The following HSD17B12 variants were observed in gnomAD, a reference collection of about 807,000 sequenced individuals.
The protein encoded by HSD17B12 is very-long-chain 3-oxoacyl-CoA reductase.
A neutral mutation model predicts 39.3 loss-of-function variants in HSD17B12; 32 were observed. That is an observed-to-expected ratio of 0.81 (90% CI 0.61 to 1.09). HSD17B12 has a LOEUF of 1.09. Ranked by LOEUF, HSD17B12 falls within the 50% of genes least tolerant of loss-of-function variation. The pLI is 0.00. For synonymous variants in HSD17B12, 150 were observed against 146.7 expected, an observed-to-expected ratio of 1.02 and a Z score of -0.16; for missense variants, 342 against 382.9, an observed-to-expected ratio of 0.89 and a Z score of 0.89.
Position 43,854,929 on chromosome 11 carries a change from A to G in HSD17B12, c.834+65A>G. ...CTTGGGGTTTCTTTCCCATTGAGTT[A>G]CAGGATAGTATGTAATAGATTAGCA... On this transcript the variant is annotated intron_variant, in intron 10 of 10. Coordinates refer to ENST00000278353, the MANE Select transcript of HSD17B12 (RefSeq NM_016142.3). 4 of 1,520,068 alleles carry G rather than the reference A, an allele frequency of 2.6e-6. No homozygotes were observed. In the East Asian group the frequency reaches 9.0e-5, roughly 34 times the overall value. The allele number at this position is 1,520,068 out of a possible 1,614,324, so 94.2% of individuals were successfully genotyped here. A position where few individuals can be genotyped will look rare whatever the true frequency, so the allele number is the denominator to read the frequency against.
At chr11:43,566,553 G>A in the HSD17B12 span, among the ~76,000 whole-genome samples, 2 of 150,112 alleles carry the variant, frequency 1.3e-5, no homozygotes, top group Admixed American at 6.6e-5. Flanking sequence ...TTTTTTAGAT[G>A]GATTCTTGCT....
upstream of HSD17B12, among the ~76,000 whole-genome samples, chr11:43,677,243 G>A (rs1023710999): frequency 6.6e-6 from 1 of 151,986 alleles, no homozygotes; most frequent in Non-Finnish European, 1.5e-5. Context: ...TTAGCTGCAA[G>A]GTATGTTGAA....
the HSD17B12 span, chr11:43,670,302 A>C: frequency 6.6e-6 from 1 of 152,226 alleles, no homozygotes; most frequent in Non-Finnish European, 1.5e-5. Flanking sequence ...AAGATCTGGG[A>C]TGCCTTCCCC....
At chr11:43,635,662 G>A in the HSD17B12 span, among the ~76,000 whole-genome samples, 1 of 152,216 alleles carries the variant, frequency 6.6e-6, no homozygotes, top group Non-Finnish European at 1.5e-5. Context: ...AGAAGTTAGA[G>A]TAGCCAGTAT....
chr11:43,826,296 G>A (rs1951239378), intron 6 of HSD17B12, among the ~76,000 whole-genome samples: 1 of 152,030 alleles, frequency 6.6e-6, no homozygotes, highest in African/African-American at 2.4e-5. Context: ...TGTTAGCCAG[G>A]ATGGTCTCGA....
the HSD17B12 span, chr11:43,578,852 C>T: frequency 6.6e-6 from 1 of 152,178 alleles, no homozygotes; most frequent in African/African-American, 2.4e-5. Flanking sequence ...CCCACCCCTT[C>T]TCATTGCTTG....
chr11:43,669,216 A>T, the HSD17B12 span, among the ~76,000 whole-genome samples: 39 of 152,092 alleles, frequency 2.6e-4, no homozygotes, highest in Admixed American at 2.6e-3. Context: ...ATAGCAATTT[A>T]TTGGCCAGGC....
the HSD17B12 span, among the ~76,000 whole-genome samples, chr11:43,642,661 GA>G: frequency 6.6e-6 from 1 of 151,448 alleles, no homozygotes; most frequent in Admixed American, 6.6e-5. Flanking sequence ...AAAGAGAGGG[GA>G]AAAAAACAGA....
the HSD17B12 span, among the ~76,000 whole-genome samples, chr11:43,580,475 G>C: frequency 6.6e-6 from 1 of 152,270 alleles, no homozygotes; most frequent in East Asian, 1.9e-4. Context: ...TGCGGAGGGA[G>C]GAGCTTCACC....
chr11:43,704,819 A>G (rs2134819234), intron 1 of HSD17B12, among the ~76,000 whole-genome samples: 1 of 152,346 alleles, frequency 6.6e-6, no homozygotes, highest in East Asian at 1.9e-4. Context: ...AAGACCAGAC[A>G]GAATAAACTG....
the HSD17B12 span, among the ~76,000 whole-genome samples, chr11:43,672,701 C>T: frequency 7.9e-5 from 12 of 151,996 alleles, no homozygotes; most frequent in East Asian, 1.9e-4. Flanking sequence ...CCACCACACC[C>T]GGCTCATTTT....
At chr11:43,826,773 G>A (rs1488403341) in intron 6 of HSD17B12, among the ~76,000 whole-genome samples, 2 of 152,154 alleles carry the variant, frequency 1.3e-5, no homozygotes, top group African/African-American at 4.8e-5. Flanking sequence ...TAATTAAGTT[G>A]TGTTCTTTTT....
the HSD17B12 span, among the ~76,000 whole-genome samples, chr11:43,671,516 G>A: frequency 6.6e-6 from 1 of 152,144 alleles, no homozygotes; most frequent in Non-Finnish European, 1.5e-5. Context: ...TGTTTACCAT[G>A]GCACTAATTC....
intron 9 of HSD17B12, among the ~76,000 whole-genome samples, chr11:43,849,600 T>C (rs1693722545): frequency 1.3e-5 from 2 of 152,198 alleles, no homozygotes; most frequent in African/African-American, 4.8e-5. Flanking sequence ...TGTTCAGATC[T>C]TTGGTTATAA....
intron 1 of HSD17B12, among the ~76,000 whole-genome samples, chr11:43,731,431 TCTCATTACAC>T: frequency 6.6e-6 from 1 of 152,348 alleles, no homozygotes; most frequent in African/African-American, 2.4e-5. Flanking sequence ...ACCAGGTAGA[TCTCATTACAC>T]CTCTTTCACT....
chr11:43,616,129 T>C, the HSD17B12 span, among the ~76,000 whole-genome samples: 2 of 152,114 alleles, frequency 1.3e-5, no homozygotes, highest in Non-Finnish European at 2.9e-5. Flanking sequence ...TTCAGCAGGC[T>C]GGGCATGGTG....
At chr11:43,658,797 G>A in the HSD17B12 span, among the ~76,000 whole-genome samples, 2 of 152,158 alleles carry the variant, frequency 1.3e-5, no homozygotes, top group Non-Finnish European at 2.9e-5. Context: ...GTGTCAGTCC[G>A]CCCCTACTGG....
chr11:43,854,688 T>C (rs1343873527), intron 9 of HSD17B12, 27 bp from the exon 10 acceptor site: 1 of 1,611,970 alleles, frequency 6.2e-7, no homozygotes, highest in Non-Finnish European at 8.5e-7. Context: ...AATGGCATGT[T>C]TTCTGGGGTG....
At chr11:43,590,795 C>T in the HSD17B12 span, among the ~76,000 whole-genome samples, 18 of 143,230 alleles carry the variant, frequency 1.3e-4, no homozygotes, top group Admixed American at 1.2e-3. Context: ...CAGGCCACTG[C>T]ACCCAGCTCG....
Sources: allele counts gnomAD v4.1 joint callset (sites outside exome capture counted in the v4.1 genomes callset), GRCh38; gene constraint gnomAD v4.1.1; transcripts MANE v1.5; gene names NCBI Gene and HGNC (gene_info 2026-07-23, HGNC 2026-07-21).